Variants in ZBTB11 observed in about 807,000 individuals in gnomAD.
ZBTB11 encodes zinc finger and BTB domain containing 11.
In ZBTB11, 68 loss-of-function variants were observed where a neutral mutation model predicts 113.1. The observed-to-expected ratio is 0.60, with a 90% CI of 0.49 to 0.74. The LOEUF (loss-of-function observed/expected upper bound fraction) is 0.74. Ranked by LOEUF, ZBTB11 falls within the 30% of genes least tolerant of loss-of-function variation. The pLI is 0.00. For missense variants in ZBTB11, 1,104 were observed against 1,279.4 expected, an observed-to-expected ratio of 0.86 and a Z score of 2.09; for synonymous variants, 518 against 452.6, an observed-to-expected ratio of 1.14 and a Z score of -1.83.
intron 6 of ZBTB11, among the ~76,000 whole-genome samples, chr3:101,658,704 A>G (rs1330721408): frequency 1.3e-5 from 2 of 152,106 alleles, no homozygotes; most frequent in Non-Finnish European, 2.9e-5. Context: ...CATAATTGGG[A>G]GCTGAGCTAT....
In ZBTB11 at chr3:101,649,456, G is replaced by A. The variant is rs1321140350; in HGVS notation, c.*1710C>T. ...CTCCAAAGTTCATGCTTTTCAACAA[G>A]ATTCAACATCTTTTATTTACATGTT... On this transcript the variant is annotated 3_prime_UTR_variant, in exon 11 of 11. Coordinates refer to ENST00000312938, the MANE Select transcript of ZBTB11 (RefSeq NM_014415.4). 2.0e-5 allele frequency: 3 copies of A among 152,122 alleles called. No individual in the cohort carries two copies. Among genetic ancestry groups the A allele is most frequent in the Non-Finnish European group, 4.4e-5 (3 of 68,024 alleles). The allele number at this position is 152,122 out of a possible 1,614,324, so 9.4% of individuals were successfully genotyped here. A position where few individuals can be genotyped will look rare whatever the true frequency, so the allele number is the denominator to read the frequency against.
chr3:101,664,477 T>C (rs13081846), intron 5 of ZBTB11, 61 bp downstream of exon 5: 490,586 of 1,464,054 alleles, frequency 0.34, 84,255 homozygotes, highest in Non-Finnish European at 0.35. Flanking sequence ...AACCATGCAG[T>C]AAGTTGGATT....
At chr3:101,668,347 A>C (rs1294532446) in intron 3 of ZBTB11, among the ~76,000 whole-genome samples, 1 of 152,190 alleles carries the variant, frequency 6.6e-6, no homozygotes, top group Non-Finnish European at 1.5e-5. Context: ...TAAAAAAGCT[A>C]CAAGAAGCCT....
rs1465916572 is a variant in ZBTB11, at chr3:101,648,962, G to C, written c.*2204C>G. The C allele has an allele frequency of 6.6e-6, 1 of 152,256 alleles. No individual in the cohort carries two copies. The highest frequency in any genetic ancestry group is 1.5e-5 in the Non-Finnish European group (1 of 68,088). 9.4% of individuals were successfully genotyped at this position (152,256 alleles called of 1,614,324 possible). ...GCAGGGGATTTTATTGCTGGATAAA[G>C]GTGGCTCTCAGCAGGATGGATGGGG... On this transcript the variant is annotated 3_prime_UTR_variant, in exon 11 of 11. Coordinates refer to ENST00000312938, the MANE Select transcript of ZBTB11 (RefSeq NM_014415.4).
At chr3:101,660,143 T>A in intron 5 of ZBTB11, 115 bp from the exon 6 acceptor site, 1 of 1,044,212 alleles carries the variant, frequency 9.6e-7, no homozygotes, top group Non-Finnish European at 1.4e-6. Flanking sequence ...ATAAACACAC[T>A]ATGTAAAAAA....
chr3:101,663,709 G>A (rs932283734), intron 5 of ZBTB11, among the ~76,000 whole-genome samples: 3 of 152,008 alleles, frequency 2.0e-5, no homozygotes, highest in African/African-American at 7.3e-5. Flanking sequence ...TGGCCAACAT[G>A]GTGAAACCCT....
In ZBTB11 at chr3:101,651,685, TAA is replaced by T. The variant is rs56200814; in HGVS notation, c.2645-4_2645-3del. On this transcript the variant is annotated splice_region_variant and splice_polypyrimidine_tract_variant and intron_variant, in intron 10 of 10. Transcript: ENST00000312938. ...TTAAGCACTCAAATGGCTTAACTCC[TAA>T]AAAAAAAAAAAAAAAAGCATGTGTA... The T allele has an allele frequency of 0.082, 105,891 of 1,295,880 alleles. 563 individuals are homozygous for T. The highest frequency in any genetic ancestry group is 0.18 in the African/African-American group (11,057 of 60,430). 80.3% of individuals were successfully genotyped at this position (1,295,880 alleles called of 1,614,324 possible).
rs1347328718 is a variant in ZBTB11 at position 101,672,029 on chromosome 3, T to C, written c.495A>G (p.Thr165=). 3.1e-6 allele frequency: 5 copies of C among 1,614,076 alleles called. No individual in the cohort carries two copies. Among genetic ancestry groups the C allele is most frequent in the African/African-American group, 1.3e-5 (1 of 74,940 alleles). The change falls in exon 2 of 11, where the codon ACA becomes ACG. Residue 165 remains threonine (T), a synonymous_variant. Transcript: ENST00000312938. ...GCTTCTTTTTTGCAGGCTTGGATGC[T>C]GTAGTTGGAGATGAAGTAAAGTTGC... ...DLSNFTSSPT[T]ASKPAKKKPV...
intron 8 of ZBTB11, among the ~76,000 whole-genome samples, 174 bp from the exon 9 acceptor site, chr3:101,653,112 C>T (rs1438306408): frequency 6.6e-6 from 1 of 152,124 alleles, no homozygotes; most frequent in Admixed American, 6.5e-5. Flanking sequence ...TTCTTTTCAT[C>T]TTAAGACTAC....
At position 101,651,070 on chromosome 3, in the gene ZBTB11, T is replaced by C. The variant is rs867383445; in HGVS notation, c.*96A>G. Reference sequence around the variant, plus strand: ...CCAAACAGCCCAGAACTTTGATATGTAAACTCCAAGCAGACAGTCACACAG... The same window carrying C: ...CCAAACAGCCCAGAACTTTGATATGCAAACTCCAAGCAGACAGTCACACAG... On this transcript the variant is annotated 3_prime_UTR_variant, in exon 11 of 11. Coordinates refer to ENST00000312938, the MANE Select transcript of ZBTB11 (RefSeq NM_014415.4). 3 of 1,413,268 alleles carry C rather than the reference T, an allele frequency of 2.1e-6. No homozygotes were observed. Among genetic ancestry groups the C allele is most frequent in the African/African-American group, 2.9e-5 (2 of 69,720 alleles). The allele number at this position is 1,413,268 out of a possible 1,614,324, so 87.5% of individuals were successfully genotyped here.
At chr3:101,659,588 A>C (rs888663244) in intron 6 of ZBTB11, among the ~76,000 whole-genome samples, 195 bp downstream of exon 6, 10 of 152,222 alleles carry the variant, frequency 6.6e-5, no homozygotes, top group African/African-American at 2.4e-4. Flanking sequence ...AAATAGATTC[A>C]AATTACAACT....
At chr3:101,651,890 T>C (rs922027569) in intron 10 of ZBTB11, among the ~76,000 whole-genome samples, 12 of 152,162 alleles carry the variant, frequency 7.9e-5, no homozygotes, top group Admixed American at 7.2e-4. Context: ...TCCCAGCACT[T>C]TGGGAGGCCA....
At chr3:101,658,613 T>G (rs1237156490) in intron 6 of ZBTB11, among the ~76,000 whole-genome samples, 1 of 151,966 alleles carries the variant, frequency 6.6e-6, no homozygotes, top group East Asian at 1.9e-4. Flanking sequence ...AACCACCACC[T>G]CCCAGGTTCA....
rs1937081233 is a variant in ZBTB11 at position 101,671,264 on chromosome 3, T to C, written c.644A>G (p.Asp215Gly). Reference protein sequence around the residue: ...NEQRLSNQFCDVTLLIEGEEY... With the variant: ...NEQRLSNQFCGVTLLIEGEEY... ...TTCTCCTTCAATTAACAAAGTAACA[T>C]CACAGAACTGGTTGGAAAGTCTCTG... The change falls in exon 3 of 11, where the codon GAT becomes GGT. Residue 215 changes from aspartate (D) to glycine (G), a missense_variant. Asp to Gly is a moderately conservative substitution (Grantham distance 94, BLOSUM62 -1). Transcript: ENST00000312938. The C allele has an allele frequency of 6.2e-7, 1 of 1,614,188 alleles. No individual in the cohort carries two copies. The highest frequency in any genetic ancestry group is 8.5e-7 in the Non-Finnish European group (1 of 1,180,020).
chr3:101,652,845 CTT>C lies in ZBTB11; in HGVS notation c.2401_2402del (p.Lys801ValfsTer3). On this transcript the variant is annotated frameshift_variant, in exon 9 of 11. Transcript: ENST00000312938. LOFTEE classifies it high-confidence loss of function. ...ACCAATCTTTCTTCCAACTATAGCA[CTT>C]ATCACAAAATTGGCACTGGAATGGC... The part of the protein sequence containing the change: ...VKPFQCQFCD[K>X]CYSWKKDWYS... 1 of 1,614,114 alleles carries C rather than the reference CTT, an allele frequency of 6.2e-7. No individual in the cohort carries two copies. The highest frequency in any genetic ancestry group is 8.5e-7 in the Non-Finnish European group (1 of 1,180,008).
rs1454306398 is a variant in ZBTB11 at position 101,648,948 on chromosome 3, T to G, written c.*2218A>C. The G allele has an allele frequency of 6.6e-6, 1 of 152,212 alleles. No individual in the cohort carries two copies. The highest frequency in any genetic ancestry group is 1.5e-5 in the Non-Finnish European group (1 of 68,056). 9.4% of individuals were successfully genotyped at this position (152,212 alleles called of 1,614,324 possible). A position where few individuals can be genotyped will look rare whatever the true frequency, so the allele number is the denominator to read the frequency against. ...GAAGGATGGTAAATGCAGGGGATTTTATTGCTGGATAAAGGTGGCTCTCAG... is the reference window on the plus strand; with the variant it reads ...GAAGGATGGTAAATGCAGGGGATTTGATTGCTGGATAAAGGTGGCTCTCAG... On this transcript the variant is annotated 3_prime_UTR_variant, in exon 11 of 11. Coordinates refer to ENST00000312938, the MANE Select transcript of ZBTB11 (RefSeq NM_014415.4).
chr3:101,674,999 G>C (rs549927314), intron 1 of ZBTB11, among the ~76,000 whole-genome samples: 5 of 152,324 alleles, frequency 3.3e-5, no homozygotes, highest in African/African-American at 9.6e-5. Context: ...TCTGAGCCTA[G>C]GAGGTCGAGG....
At chr3:101,653,300 C>G (rs965322776) in intron 8 of ZBTB11, among the ~76,000 whole-genome samples, 2 of 152,070 alleles carry the variant, frequency 1.3e-5, no homozygotes, top group Non-Finnish European at 2.9e-5. Flanking sequence ...ATGACTTGGG[C>G]CTAAATTAAT....
intron 5 of ZBTB11, among the ~76,000 whole-genome samples, chr3:101,664,071 A>C (rs1482147519): frequency 1.3e-5 from 2 of 152,182 alleles, no homozygotes; most frequent in Non-Finnish European, 2.9e-5. Flanking sequence ...TCTTTGGCTA[A>C]AGGGACAGGG....
Sources: gnomAD v4.1 joint callset for allele counts (sites outside exome capture counted in the v4.1 genomes callset) on GRCh38, gnomAD v4.1.1 for gene constraint, MANE v1.5 for transcripts, NCBI Gene and HGNC (gene_info 2026-07-23, HGNC 2026-07-21) for gene names.